Variants in ZSCAN25 observed in about 807,000 individuals in gnomAD.
The protein encoded by ZSCAN25 is zinc finger and SCAN domain-containing protein 25.
In ZSCAN25, 27 loss-of-function variants were observed where a neutral mutation model predicts 38.7. That is an observed-to-expected ratio of 0.70 (90% CI 0.51 to 0.96). ZSCAN25 has a LOEUF of 0.96. ZSCAN25 is among the 40% of genes least tolerant of loss of function. The pLI is 0.00. For synonymous variants in ZSCAN25, 273 were observed against 277.7 expected, an observed-to-expected ratio of 0.98 and a Z score of 0.17; for missense variants, 637 against 705.9, an observed-to-expected ratio of 0.90 and a Z score of 1.11.
chr7:99,641,812 A>G, the ZSCAN25 span, among the ~76,000 whole-genome samples: 1 of 152,140 alleles, frequency 6.6e-6, no homozygotes, highest in Admixed American at 6.5e-5. Flanking sequence ...ACTCCCTCCA[A>G]GGCTTCAGGT....
chr7:99,629,654 CAGCCACACTGGGGAGA>C lies in ZSCAN25; in HGVS notation c.1274_1289del (p.His425ProfsTer181), dbSNP rs1807816548. 1.2e-6 allele frequency: 2 copies of C among 1,613,942 alleles called. No individual in the cohort carries two copies. Among genetic ancestry groups the C allele is most frequent in the African/African-American group, 2.7e-5 (2 of 74,914 alleles). On this transcript the variant is annotated frameshift_variant, in exon 8 of 8. Coordinates refer to ENST00000394152, the MANE Select transcript of ZSCAN25 (RefSeq NM_145115.3). LOFTEE classifies it high-confidence loss of function. This position sits in a 1 kb window ranked among gnomAD's most constrained non-coding sequence, Gnocchi z 5.6. ...GACACCACCTGGAGGTGCACCAGCG[CAGCCACACTGGGGAGA>C]AGCCCTACAAGTGCGGGGACTGCTG...
the ZSCAN25 span, among the ~76,000 whole-genome samples, chr7:99,711,506 C>A: frequency 3.3e-5 from 5 of 152,206 alleles, no homozygotes; most frequent in Non-Finnish European, 7.3e-5. Flanking sequence ...TGGTGGCACA[C>A]ACCTGTAATC....
the ZSCAN25 span, chr7:99,660,731 G>GC: frequency 6.4e-7 from 1 of 1,553,860 alleles, no homozygotes; most frequent in Non-Finnish European, 8.8e-7. Context: ...TGAAATCTAA[G>GC]TGAAGCTCTC....
the ZSCAN25 span, among the ~76,000 whole-genome samples, chr7:99,719,219 A>G: frequency 6.6e-6 from 1 of 152,234 alleles, no homozygotes; most frequent in Non-Finnish European, 1.5e-5. Flanking sequence ...TACATCCATA[A>G]AAGTGGGAAG....
chr7:99,682,914 T>G, the ZSCAN25 span, among the ~76,000 whole-genome samples: 2 of 152,190 alleles, frequency 1.3e-5, no homozygotes, highest in African/African-American at 2.4e-5. Flanking sequence ...TTTGCCAGAT[T>G]GTTCACTGTT....
intron 7 of ZSCAN25, among the ~76,000 whole-genome samples, chr7:99,627,845 T>G (rs1584364556): frequency 6.6e-6 from 1 of 152,088 alleles, no homozygotes; most frequent in East Asian, 1.9e-4. Flanking sequence ...ACTGTATATG[T>G]ATAGTATATA....
the ZSCAN25 span, among the ~76,000 whole-genome samples, chr7:99,693,987 C>G: frequency 6.6e-6 from 1 of 152,158 alleles, no homozygotes; most frequent in African/African-American, 2.4e-5. Context: ...GGAGAGAAAA[C>G]AGAGGAGGTA....
chr7:99,715,557 G>T, the ZSCAN25 span: 1 of 890,044 alleles, frequency 1.1e-6, no homozygotes, highest in Non-Finnish European at 1.7e-6. Context: ...GCAGGGGGTT[G>T]ATAGCTAAAC....
At chr7:99,683,968 C>G in the ZSCAN25 span, among the ~76,000 whole-genome samples, 1 of 152,038 alleles carries the variant, frequency 6.6e-6, no homozygotes, top group Admixed American at 6.6e-5. Context: ...AATCAATTGA[C>G]CAATTGACTG....
the ZSCAN25 span, among the ~76,000 whole-genome samples, chr7:99,732,887 T>A: frequency 1.3e-5 from 2 of 152,160 alleles, no homozygotes; most frequent in African/African-American, 4.8e-5. Flanking sequence ...TAAGTAACCA[T>A]AAAATGTTCC....
At chr7:99,622,385 C>A in intron 5 of ZSCAN25, 164 bp from the exon 6 acceptor site, 1 of 706,534 alleles carries the variant, frequency 1.4e-6, no homozygotes, top group South Asian at 1.5e-5. Context: ...GACACCCAGG[C>A]CCCTGTGCAT....
chr7:99,717,988 C>T, the ZSCAN25 span, among the ~76,000 whole-genome samples: 17 of 152,148 alleles, frequency 1.1e-4, no homozygotes, highest in African/African-American at 3.9e-4. Context: ...TTGCCTCAGA[C>T]GAGCTCTGTC....
At chr7:99,628,546 A>T (rs1227182928) in intron 7 of ZSCAN25, among the ~76,000 whole-genome samples, 3 of 152,230 alleles carry the variant, frequency 2.0e-5, no homozygotes, top group Admixed American at 6.5e-5. Context: ...TAAATATGCT[A>T]CCTAGGGGCG....
chr7:99,712,060 T>G, the ZSCAN25 span, among the ~76,000 whole-genome samples: 1 of 152,184 alleles, frequency 6.6e-6, no homozygotes, highest in African/African-American at 2.4e-5. Flanking sequence ...TATAAGCTCT[T>G]GTGATTGCAA....
chr7:99,683,723 G>T, the ZSCAN25 span, among the ~76,000 whole-genome samples: 1 of 152,104 alleles, frequency 6.6e-6, no homozygotes, highest in Non-Finnish European at 1.5e-5. Context: ...CATTTTCTCT[G>T]CTTGCTTGGA....
At chr7:99,625,964 A>G (rs759709277) in intron 7 of ZSCAN25, among the ~76,000 whole-genome samples, 8 of 152,198 alleles carry the variant, frequency 5.3e-5, no homozygotes, top group Non-Finnish European at 1.0e-4. Flanking sequence ...TGGTGCTTGT[A>G]CTGACAGCTG....
At chr7:99,650,702 A>G in the ZSCAN25 span, among the ~76,000 whole-genome samples, 3 of 149,924 alleles carry the variant, frequency 2.0e-5, no homozygotes, top group Non-Finnish European at 3.0e-5. Context: ...TTTTTTTCTA[A>G]TTCCCCTCCT....
the ZSCAN25 span, among the ~76,000 whole-genome samples, chr7:99,686,955 C>T: frequency 6.6e-6 from 1 of 152,236 alleles, no homozygotes; most frequent in East Asian, 1.9e-4. Flanking sequence ...AACAGACCTG[C>T]AGCTGAGGGT....
At chr7:99,620,232 C>T in intron 4 of ZSCAN25, 1 of 557,908 alleles carries the variant, frequency 1.8e-6, no homozygotes, top group Non-Finnish European at 3.1e-6. Flanking sequence ...AGGGCAGAGG[C>T]CTGGCCATAT....
Sources: gnomAD v4.1 joint callset for allele counts (sites outside exome capture counted in the v4.1 genomes callset) on GRCh38, gnomAD v4.1.1 for gene constraint, Gnocchi (gnomAD v3.1) non-coding constraint, MANE v1.5 for transcripts, NCBI Gene and HGNC (gene_info 2026-07-23, HGNC 2026-07-21) for gene names.